KCNJ6: variants seen among roughly 807,000 people sequenced by gnomAD.
KCNJ6 encodes potassium inwardly rectifying channel subfamily J member 6, also known as G protein-activated inward rectifier potassium channel 2.
Under a neutral mutation model 34.2 loss-of-function variants are expected in KCNJ6, and 9 were observed. The ratio of observed to expected loss-of-function variants is 0.26; its 90% confidence interval spans 0.16 to 0.46. KCNJ6 has a LOEUF of 0.46. Ranked by LOEUF, KCNJ6 falls within the 20% of genes least tolerant of loss-of-function variation. KCNJ6 has a pLI of 1.00. For missense variants in KCNJ6, 236 were observed against 531.3 expected, an observed-to-expected ratio of 0.44 and a Z score of 5.46; for synonymous variants, 196 against 207.1, an observed-to-expected ratio of 0.95 and a Z score of 0.46.
chr21:37,848,120 G>A (rs988686146), intron 1 of KCNJ6, among the ~76,000 whole-genome samples: 1 of 152,182 alleles, frequency 6.6e-6, no homozygotes, highest in African/African-American at 2.4e-5. Context: ...GGAGGCCAGG[G>A]CTGGAGTTGT....
intron 2 of KCNJ6, among the ~76,000 whole-genome samples, chr21:37,839,314 A>T (rs2055467425): frequency 6.6e-6 from 1 of 152,012 alleles, no homozygotes; most frequent in Non-Finnish European, 1.5e-5. Context: ...TGCTGAAGGG[A>T]TTTTTTTCTT....
intron 3 of KCNJ6, among the ~76,000 whole-genome samples, chr21:37,656,754 G>A (rs567840541): frequency 6.6e-6 from 1 of 152,228 alleles, no homozygotes. Context: ...GAGGATGGAA[G>A]AGAAATTCAC....
intron 2 of KCNJ6, among the ~76,000 whole-genome samples, chr21:37,745,048 G>A (rs1304627501): frequency 6.8e-6 from 1 of 147,260 alleles, no homozygotes; most frequent in East Asian, 2.0e-4. Flanking sequence ...AGTAGCATAA[G>A]AAGGACTTAG....
chr21:37,723,519 C>T (rs2054837587), intron 2 of KCNJ6, among the ~76,000 whole-genome samples: 1 of 152,166 alleles, frequency 6.6e-6, no homozygotes, highest in African/African-American at 2.4e-5. Context: ...TGGAATCAAC[C>T]TAGGTGCCCA....
At chr21:37,630,739 C>G (rs2054330398) in intron 3 of KCNJ6, among the ~76,000 whole-genome samples, 1 of 152,194 alleles carries the variant, frequency 6.6e-6, no homozygotes, top group African/African-American at 2.4e-5. Flanking sequence ...CTAAGTCTAG[C>G]TAATTAACAT....
chr21:37,912,164 T>C (rs2055869864), intron 1 of KCNJ6, among the ~76,000 whole-genome samples: 1 of 152,180 alleles, frequency 6.6e-6, no homozygotes, highest in Non-Finnish European at 1.5e-5. Context: ...TTTTTTAAAA[T>C]AGCAAAATGG....
At chr21:37,743,326 G>A (rs552655239) in intron 2 of KCNJ6, among the ~76,000 whole-genome samples, 12 of 152,288 alleles carry the variant, frequency 7.9e-5, no homozygotes, top group Admixed American at 3.9e-4. Context: ...ATGTGTATGC[G>A]TGTGTATATG....
intron 1 of KCNJ6, among the ~76,000 whole-genome samples, chr21:37,880,337 C>G (rs985210896): frequency 6.6e-6 from 1 of 152,220 alleles, no homozygotes; most frequent in African/African-American, 2.4e-5. Flanking sequence ...TGTACACCAC[C>G]TCTCACCTCT....
chr21:37,785,946 C>T (rs1475046425), intron 2 of KCNJ6, among the ~76,000 whole-genome samples: 1 of 152,196 alleles, frequency 6.6e-6, no homozygotes, highest in Non-Finnish European at 1.5e-5. Context: ...AGAGAGGTGG[C>T]CCTTTCCAGG....
At chr21:37,867,650 T>C (rs1445243035) in intron 1 of KCNJ6, among the ~76,000 whole-genome samples, 3 of 152,210 alleles carry the variant, frequency 2.0e-5, no homozygotes, top group Non-Finnish European at 2.9e-5. Context: ...ATAGATTGTG[T>C]AGCAGACCAG....
In KCNJ6 at chr21:37,645,288, C is replaced by A. The variant is rs2054399031; in HGVS notation, c.947-19804G>T. Among the ~76,000 whole-genome samples the A allele has an allele frequency of 2.6e-5, 4 of 152,044 alleles. No homozygotes were observed. In the South Asian group the frequency reaches 6.2e-4, roughly 24 times the overall value. On this transcript the variant is annotated intron_variant, in intron 3 of 3. Transcript: ENST00000609713. The stretch of plus-strand genomic sequence containing the variant: ...GCTGAATAGGGAGGATTGCTTGAAC[C>A]CCAGAGGTCGAGGCTGTGGTGAGCC...
intron 2 of KCNJ6, among the ~76,000 whole-genome samples, chr21:37,764,350 G>C (rs1317171969): frequency 6.6e-6 from 1 of 151,872 alleles, no homozygotes; most frequent in Non-Finnish European, 1.5e-5. Context: ...ACTTCAGCTT[G>C]GGATGATTGG....
chr21:37,654,398 C>A (rs143137294), intron 3 of KCNJ6, among the ~76,000 whole-genome samples: 15 of 146,834 alleles, frequency 1.0e-4, no homozygotes, highest in African/African-American at 3.9e-4. Flanking sequence ...CATCTCTCTG[C>A]TGTCTTGACA....
At chr21:37,701,244 A>G (rs2054689334) in intron 3 of KCNJ6, among the ~76,000 whole-genome samples, 2 of 152,158 alleles carry the variant, frequency 1.3e-5, no homozygotes, top group Admixed American at 1.3e-4. Flanking sequence ...TGCAGGACAG[A>G]GCCCTGGGGA....
intron 3 of KCNJ6, among the ~76,000 whole-genome samples, chr21:37,668,340 C>T (rs1460250880): frequency 6.6e-6 from 1 of 152,146 alleles, no homozygotes; most frequent in Non-Finnish European, 1.5e-5. Context: ...AGGGAAACCA[C>T]AGATGGCGCC....
At chr21:37,765,913 G>C (rs1335885624) in intron 2 of KCNJ6, among the ~76,000 whole-genome samples, 1 of 152,124 alleles carries the variant, frequency 6.6e-6, no homozygotes, top group Non-Finnish European at 1.5e-5. Context: ...AAATTATTAT[G>C]CATATTTTGC....
At chr21:37,756,496 C>T (rs1288818273) in intron 2 of KCNJ6, among the ~76,000 whole-genome samples, 13 of 152,180 alleles carry the variant, frequency 8.5e-5, no homozygotes, top group Admixed American at 5.9e-4. Flanking sequence ...GACATCTCCC[C>T]GCTATGCTGG....
chr21:37,688,381 A>T (rs3787815), intron 3 of KCNJ6, among the ~76,000 whole-genome samples: 26,944 of 87,380 alleles, frequency 0.31, 2,982 homozygotes, highest in African/African-American at 0.46. Context: ...TTTTTTTTTT[A>T]AAAAATCTAC....
At chr21:37,846,418 G>A (rs1379756224) in intron 1 of KCNJ6, among the ~76,000 whole-genome samples, 3 of 148,732 alleles carry the variant, frequency 2.0e-5, no homozygotes, top group Non-Finnish European at 4.5e-5. Flanking sequence ...GGAGAGAGGA[G>A]GATGGGGAAG....
Sources: allele counts gnomAD v4.1 joint callset (sites outside exome capture counted in the v4.1 genomes callset), GRCh38; gene constraint gnomAD v4.1.1; transcripts MANE v1.5; gene names NCBI Gene and HGNC (gene_info 2026-07-23, HGNC 2026-07-21).